The following GAREM1 variants were observed in gnomAD, a reference collection of about 807,000 sequenced individuals.
GAREM1 encodes the protein GRB2 associated regulator of MAPK1 subtype 1, also known as GRB2-associated and regulator of MAPK protein 1.
Under a neutral mutation model 71.3 loss-of-function variants are expected in GAREM1, and 26 were observed. That is an observed-to-expected ratio of 0.36 (90% confidence interval 0.27 to 0.51). The LOEUF is 0.51. Among genes scored for constraint, GAREM1 ranks in the 20% least tolerant of loss-of-function variants. GAREM1 has a pLI of 0.95. For synonymous variants in GAREM1, 440 were observed against 433.2 expected, an observed-to-expected ratio of 1.02 and a Z score of -0.20; for missense variants, 1,026 against 1,103.1, an observed-to-expected ratio of 0.93 and a Z score of 0.99.
chr18:32,264,965 T>G lies in GAREM1; in HGVS notation c.*2906A>C, dbSNP rs1285356941. The G allele has an allele frequency of 6.6e-6, 1 of 152,264 alleles. No individual in the cohort carries two copies. The highest frequency in any genetic ancestry group is 1.5e-5 in the Non-Finnish European group (1 of 68,060). The allele number at this position is 152,264 out of a possible 1,614,324, so 9.4% of individuals were successfully genotyped here. ...GGAGATAAGATGATAAGTCTTGACC[T>G]GGCTGGTTAGAAGGGTTCTGTGTGT... On this transcript the variant is annotated 3_prime_UTR_variant, in exon 6 of 6. Transcript: ENST00000269209.
intron 2 of GAREM1, among the ~76,000 whole-genome samples, chr18:32,372,227 A>C (rs2144628074): frequency 1.3e-5 from 2 of 152,342 alleles, no homozygotes; most frequent in South Asian, 4.1e-4. Context: ...TGTCAACAAG[A>C]TTATTATGTA....
At position 32,266,505 on chromosome 18, in the gene GAREM1, T is replaced by G. The variant is rs982344692; in HGVS notation, c.*1366A>C. ...AGAACTAATACAGTCTTAAGATGTA[T>G]ATTCTCTAAAAAAGTCAAGAATAAT... On this transcript the variant is annotated 3_prime_UTR_variant, in exon 6 of 6. Coordinates refer to ENST00000269209, the MANE Select transcript of GAREM1 (RefSeq NM_001242409.2). 1 of 152,212 alleles carries G rather than the reference T, an allele frequency of 6.6e-6. No individual in the cohort carries two copies. 9.4% of individuals were successfully genotyped at this position (152,212 alleles called of 1,614,324 possible).
At position 32,343,311 on chromosome 18, in the gene GAREM1, G is replaced by GTTTTTTTTTTTTTTTTTTT. The variant is rs35086441; in HGVS notation, c.263-33007_263-32989dup. Among the ~76,000 whole-genome samples the GTTTTTTTTTTTTTTTTTTT allele has an allele frequency of 1.3e-4, 16 of 118,868 alleles. 1 individual carries two copies. Among genetic ancestry groups the GTTTTTTTTTTTTTTTTTTT allele is most frequent in the African/African-American group, 5.4e-4 (16 of 29,832 alleles). 78.0% of individuals were successfully genotyped at this position (118,868 alleles called of 152,430 possible). On this transcript the variant is annotated intron_variant, in intron 2 of 5. Transcript: ENST00000269209. ...AGCTAAAAGAGTACTCTCCCCCACT[G>GTTTTTTTTTTTTTTTTTTT]TTTTTTTTTTTTTTTTTTTTTGAGA...
intron 4 of GAREM1, among the ~76,000 whole-genome samples, chr18:32,279,382 C>T (rs1452564646): frequency 6.6e-6 from 1 of 152,192 alleles, no homozygotes; most frequent in Non-Finnish European, 1.5e-5. Context: ...GCCCCAGCTC[C>T]AGCTCCTGTG....
At chr18:32,466,317 G>GT (rs1434857331) in intron 1 of GAREM1, among the ~76,000 whole-genome samples, 3 of 152,026 alleles carry the variant, frequency 2.0e-5, no homozygotes, top group African/African-American at 7.2e-5. Flanking sequence ...GGTGTAAAAT[G>GT]TTTAACTTTC....
At position 32,420,838 on chromosome 18, in the gene GAREM1, C is replaced by T. The variant is rs566887003; in HGVS notation, c.122-27803G>A. Among the ~76,000 whole-genome samples, 5 of 152,046 alleles carry T rather than the reference C, an allele frequency of 3.3e-5. No homozygotes were observed. In the South Asian group the frequency reaches 6.2e-4, roughly 19 times the overall value. ...ACTGCATTGGTTTCATAAACATGAA[C>T]GTTCTCTGCCGTGGCTCTGTCTTCA... is the stretch of plus-strand genomic sequence containing the variant. On this transcript the variant is annotated intron_variant, in intron 1 of 5. Coordinates refer to ENST00000269209, the MANE Select transcript of GAREM1 (RefSeq NM_001242409.2).
Position 32,395,044 on chromosome 18 carries a change from CT to C in GAREM1, c.122-2010del, listed in dbSNP as rs1423584691. ...TTTTTCCCTCTAAAACGTAATCCTT[CT>C]ATAAATATTGTAATTCAAGTTATAT... On this transcript the variant is annotated intron_variant, in intron 1 of 5. Transcript: ENST00000269209. 5.9e-5 allele frequency among the ~76,000 whole-genome samples: 9 copies of C among 152,282 alleles called. No individual in the cohort carries two copies. In the East Asian group the frequency reaches 1.7e-3, roughly 29 times the overall value.
chr18:32,412,050 C>T (rs1000907709), intron 1 of GAREM1: 31 of 691,540 alleles, frequency 4.5e-5, no homozygotes, highest in African/African-American at 1.4e-4. Context: ...ACACAGTCCT[C>T]GAGTTTTTTG....
chr18:32,426,314 C>G (rs1045521016), intron 1 of GAREM1, among the ~76,000 whole-genome samples: 1 of 152,174 alleles, frequency 6.6e-6, no homozygotes, highest in Admixed American at 6.5e-5. Flanking sequence ...TCACCATGCC[C>G]GGCCTCTTTC....
chr18:32,364,034 T>TTTTTTTTTTTTTTTTG (rs1567980899), intron 2 of GAREM1, among the ~76,000 whole-genome samples: 1 of 42,236 alleles, frequency 2.4e-5, no homozygotes, highest in East Asian at 9.1e-4. Flanking sequence ...ATATGTTTTT[T>TTTTTTTTTTTTTTTTG]TTTTTTTTTT....
rs201850663 is a variant in GAREM1, at chr18:32,268,279, T to A, written c.2223A>T (p.Thr741=). The A allele has an allele frequency of 3.7e-6, 6 of 1,613,830 alleles. No homozygotes were observed. The African/African-American group carries it at 8.0e-5, about 22-fold the overall frequency. Residue 741 remains threonine, a synonymous_variant, in exon 6 of 6, where the codon ACA becomes ACT. Transcript: ENST00000269209. ...KLVEEKVASE[T]SPLPLKIDGA... Reference sequence around the variant, plus strand: ...CATCAATTTTCAGAGGCAAAGGAGATGTTTCGGAGGCGACCTTCTCTTCCA... The same window carrying A: ...CATCAATTTTCAGAGGCAAAGGAGAAGTTTCGGAGGCGACCTTCTCTTCCA...
chr18:32,328,389 T>G (rs2047493684), intron 2 of GAREM1, among the ~76,000 whole-genome samples: 1 of 152,188 alleles, frequency 6.6e-6, no homozygotes, highest in Non-Finnish European at 1.5e-5. Flanking sequence ...CTGGTGTGGT[T>G]GATAATCTGT....
chr18:32,457,224 AGAGTGTGT>A (rs1490813881), intron 1 of GAREM1, among the ~76,000 whole-genome samples: 12 of 107,406 alleles, frequency 1.1e-4, no homozygotes, highest in Admixed American at 1.0e-3. Flanking sequence ...AGAGAGAGAG[AGAGTGTGT>A]GTGTGTGTGT....
chr18:32,285,996 A>G (rs956682359), intron 4 of GAREM1, among the ~76,000 whole-genome samples: 9 of 152,152 alleles, frequency 5.9e-5, no homozygotes, highest in African/African-American at 2.2e-4. Flanking sequence ...TCTTCTATAT[A>G]TTGGGATTCA....
At chr18:32,379,894 CAG>C (rs1417842524) in intron 2 of GAREM1, among the ~76,000 whole-genome samples, 2 of 152,120 alleles carry the variant, frequency 1.3e-5, no homozygotes, top group Non-Finnish European at 2.9e-5. Context: ...TGCTATGAAA[CAG>C]GGAGACCAGG....
At chr18:32,395,178 T>A (rs1226699813) in intron 1 of GAREM1, among the ~76,000 whole-genome samples, 1 of 152,188 alleles carries the variant, frequency 6.6e-6, no homozygotes, top group African/African-American at 2.4e-5. Context: ...TCTCCATCTC[T>A]CTCCTGCTCT....
chr18:32,367,805 G>A (rs1354599503), intron 2 of GAREM1, among the ~76,000 whole-genome samples: 1 of 152,122 alleles, frequency 6.6e-6, no homozygotes, highest in East Asian at 1.9e-4. Flanking sequence ...CACCTTCACA[G>A]GAGGGATGGC....
chr18:32,296,992 C>T (rs2047147565), intron 3 of GAREM1, among the ~76,000 whole-genome samples: 2 of 152,228 alleles, frequency 1.3e-5, no homozygotes, highest in South Asian at 2.1e-4. Flanking sequence ...AAACTAATAC[C>T]CACAGTCCAC....
At chr18:32,392,236 C>T (rs1313495700) in intron 2 of GAREM1, among the ~76,000 whole-genome samples, 1 of 151,490 alleles carries the variant, frequency 6.6e-6, no homozygotes, top group Non-Finnish European at 1.5e-5. Flanking sequence ...TAAGCTATCA[C>T]TATTTAAAGC....
Sources: gnomAD v4.1 joint callset for allele counts (sites outside exome capture counted in the v4.1 genomes callset) on GRCh38, gnomAD v4.1.1 for gene constraint, MANE v1.5 for transcripts, NCBI Gene and HGNC (gene_info 2026-07-23, HGNC 2026-07-21) for gene names.